Variants in LAMP3 observed in about 807,000 individuals in gnomAD.
The protein encoded by LAMP3 is lysosome-associated membrane glycoprotein 3.
LAMP3 carries 26 observed loss-of-function variants against 34.8 expected under a neutral mutation model. That is an observed-to-expected ratio of 0.75 (90% confidence interval 0.55 to 1.04). The LOEUF is 1.04. Among genes scored for constraint, LAMP3 ranks in the 50% least tolerant of loss-of-function variants. The pLI is 0.00. For missense variants in LAMP3, 495 were observed against 524.0 expected (o/e 0.94, Z 0.54); for synonymous variants, 180 against 201.9 (o/e 0.89, Z 0.92).
chr3:183,146,522 A>ATTTTTTTTTTTTTTTTTTTTTTTTTTTTT (rs1192142107), intron 3 of LAMP3, among the ~76,000 whole-genome samples: 1 of 130,094 alleles, frequency 7.7e-6, no homozygotes, highest in African/African-American at 2.8e-5. Context: ...TGGTGCTCAA[A>ATTTTTTTTTTTTTTTTTTTTTTTTTTTTT]TTTTTTTTTT....
chr3:183,150,709 ACC>A (rs1720604623), intron 3 of LAMP3, among the ~76,000 whole-genome samples: 1 of 151,906 alleles, frequency 6.6e-6, no homozygotes, highest in Non-Finnish European at 1.5e-5. Flanking sequence ...AGCATGTGCT[ACC>A]ATGCCCAGCT....
In LAMP3 at chr3:183,154,161, T is replaced by C. The variant is rs1720752871; in HGVS notation, c.280A>G (p.Thr94Ala). The change falls in exon 2 of 6, where the codon ACT becomes GCT. Residue 94 changes from threonine (T) to alanine (A), a missense_variant. Transcript: ENST00000265598. ...PTTTPATTKN[T>A]ATTSPITYTL... is the part of the protein sequence containing the mutation. Reference sequence around the variant, plus strand: ...TAGGTAATTGGGCTGGTGGTTGCAGTGTTTTTTGTAGTCGCTGGGGTAGTT... The same window carrying C: ...TAGGTAATTGGGCTGGTGGTTGCAGCGTTTTTTGTAGTCGCTGGGGTAGTT... 1 of 1,613,778 alleles carries C rather than the reference T, an allele frequency of 6.2e-7. No individual in the cohort carries two copies. The highest frequency in any genetic ancestry group is 8.5e-7 in the Non-Finnish European group (1 of 1,179,866).
intron 3 of LAMP3, among the ~76,000 whole-genome samples, chr3:183,147,892 T>C (rs1228694762): frequency 6.6e-6 from 1 of 152,156 alleles, no homozygotes; most frequent in Admixed American, 6.5e-5. Context: ...AATTTTTAAA[T>C]TTTTTGTAGA....
rs541151153 is a variant in LAMP3 at position 183,136,664 on chromosome 3, A to AAAC, written c.947-778_947-777insGTT. 4.1e-3 allele frequency among the ~76,000 whole-genome samples: 593 copies of AAAC among 143,632 alleles called. 16 individuals carry two copies. Among genetic ancestry groups the AAAC allele is most frequent in the Non-Finnish European group, 5.8e-3 (393 of 67,334 alleles). 94.2% of individuals were successfully genotyped at this position (143,632 alleles called of 152,430 possible). ...GAAACTCCGTTTCAGAAAAAAAAAA[A>AAAC]AAAAAACAACTCATTAGGAGGGGTT... is the stretch of plus-strand genomic sequence containing the variant. On this transcript the variant is annotated intron_variant, in intron 4 of 5. Coordinates refer to ENST00000265598, the MANE Select transcript of LAMP3 (RefSeq NM_014398.4).
chr3:183,160,790 C>T (rs913425782), intron 1 of LAMP3: 13 of 152,210 alleles, frequency 8.5e-5, no homozygotes, highest in Admixed American at 1.3e-4. Context: ...TGATCAGGGG[C>T]AAGTTATTTA....
intron 3 of LAMP3, 60 bp downstream of exon 3, chr3:183,152,315 G>A (rs1720661825): frequency 2.6e-6 from 4 of 1,516,800 alleles, no homozygotes; most frequent in Admixed American, 4.3e-5. Context: ...CCTGGCCCCA[G>A]GATGAGGGAG....
At chr3:183,133,722 G>A (rs1301426000) in intron 5 of LAMP3, among the ~76,000 whole-genome samples, 1 of 152,150 alleles carries the variant, frequency 6.6e-6, no homozygotes, top group Non-Finnish European at 1.5e-5. Flanking sequence ...ATAATAAACA[G>A]CAAAAGAAAA....
intron 1 of LAMP3, among the ~76,000 whole-genome samples, chr3:183,156,391 G>A (rs747197091): frequency 1.1e-4 from 9 of 80,328 alleles, no homozygotes; most frequent in African/African-American, 2.1e-4. Flanking sequence ...ACAAACAGAC[G>A]ATGTCTTTAG....
At chr3:183,132,082 A>G (rs1719941168) in intron 5 of LAMP3, 2 of 985,366 alleles carry the variant, frequency 2.0e-6, no homozygotes, top group Non-Finnish European at 2.4e-6. Flanking sequence ...ATAAAATAAC[A>G]TCAAAGAAAA....
Position 183,154,008 on chromosome 3 carries a change from T to C in LAMP3, c.433A>G (p.Thr145Ala). The C allele has an allele frequency of 1.2e-6, 2 of 1,614,020 alleles. No homozygotes were observed. The highest frequency in any genetic ancestry group is 8.5e-7 in the Non-Finnish European group (1 of 1,179,990). ...PPTITPPAHTTGTSSSTVSHT... is the reference protein window; with the variant it reads ...PPTITPPAHTAGTSSSTVSHT... ...CTGACGGTTGATGAACTGGTTCCAG[T>C]TGTATGAGCTGGTGGGGTGATGGTG... The change falls in exon 2 of 6, where the codon ACT becomes GCT. Residue 145 changes from threonine (T) to alanine (A), a missense_variant. Transcript: ENST00000265598.
intron 1 of LAMP3, chr3:183,161,801 C>A (rs1720982204): frequency 9.3e-6 from 2 of 213,954 alleles, no homozygotes; most frequent in South Asian, 3.3e-4. Context: ...ATAGCTTGCC[C>A]TGTGGAGCGT....
Position 183,135,907 on chromosome 3 carries a change from A to G in LAMP3, c.947-20T>C. 1.9e-6 allele frequency: 3 copies of G among 1,598,914 alleles called. No homozygotes were observed. Among genetic ancestry groups the G allele is most frequent in the African/African-American group, 1.3e-5 (1 of 74,892 alleles). On this transcript the variant is annotated intron_variant, in intron 4 of 5. Transcript: ENST00000265598. ...TTGTCTCTGAAAAGGTGACAGATAG[A>G]TGCATAAGAGTCCTGAGATGTAACC...
upstream of LAMP3, among the ~76,000 whole-genome samples, chr3:183,163,305 GT>G (rs1721039051): frequency 6.9e-6 from 1 of 144,440 alleles, no homozygotes; most frequent in African/African-American, 2.6e-5. Context: ...GTTTTGTTTT[GT>G]TTTGTTTTGT....
intron 1 of LAMP3, among the ~76,000 whole-genome samples, chr3:183,161,580 G>A (rs546239829): frequency 7.9e-5 from 12 of 151,932 alleles, no homozygotes; most frequent in South Asian, 6.3e-4. Flanking sequence ...TAGTAGAGGC[G>A]GGGTTTCACC....
At chr3:183,146,946 C>T (rs1439491991) in intron 3 of LAMP3, among the ~76,000 whole-genome samples, 1 of 151,490 alleles carries the variant, frequency 6.6e-6, no homozygotes, top group Admixed American at 6.6e-5. Context: ...TCCTTACCAC[C>T]TGATTGAGGG....
At chr3:183,132,008 A>G (rs1719939057) in intron 5 of LAMP3, 4 of 985,342 alleles carry the variant, frequency 4.1e-6, no homozygotes, top group Non-Finnish European at 4.8e-6. Context: ...TTGCCATTCC[A>G]TATTGTCTCC....
intron 1 of LAMP3, among the ~76,000 whole-genome samples, chr3:183,156,053 A>G (rs1415421779): frequency 1.1e-4 from 17 of 152,200 alleles, no homozygotes; most frequent in Admixed American, 1.1e-3. Context: ...AGGGATCCAG[A>G]AAAGTGGACA....
chr3:183,162,929 C>T (rs1333644919), upstream of LAMP3: 1 of 467,964 alleles, frequency 2.1e-6, no homozygotes, highest in East Asian at 3.8e-5. Context: ...GCGCCGGCCT[C>T]CTCCGCTCAT....
rs368557361 is a variant in LAMP3 at position 183,125,821 on chromosome 3, G to C, written c.1118-1607C>G. Among the ~76,000 whole-genome samples, 91 of 152,210 alleles carry C rather than the reference G, an allele frequency of 6.0e-4. No homozygotes were observed. In the South Asian group the frequency reaches 0.018, roughly 31 times the overall value. ...CCACCTCATCCTCTTGGGACTAGGG[G>C]TGTGTGCTACCATGCTGGGCCAATT... On this transcript the variant is annotated intron_variant, in intron 5 of 5. Transcript: ENST00000265598.
Sources: gnomAD v4.1 joint callset for allele counts (sites outside exome capture counted in the v4.1 genomes callset) on GRCh38, gnomAD v4.1.1 for gene constraint, MANE v1.5 for transcripts, NCBI Gene and HGNC (gene_info 2026-07-23, HGNC 2026-07-21) for gene names.